The following APEX2 variants were observed in gnomAD, a reference collection of about 807,000 sequenced individuals.
APEX2 encodes the protein DNA-(apurinic or apyrimidinic site) endonuclease 2.
In APEX2, 4 loss-of-function variants were observed where a neutral mutation model predicts 16.7. The ratio of observed to expected loss-of-function variants is 0.24; its 90% confidence interval spans 0.12 to 0.55. The LOEUF is 0.55. APEX2 is among the 20% of genes least tolerant of loss of function. The pLI is 0.94. For missense variants in APEX2, 357 were observed against 433.6 expected (o/e 0.82, Z 1.57); for synonymous variants, 181 against 166.9 (o/e 1.08, Z -0.65).
Position 55,007,624 on chromosome X carries a change from C to T in APEX2, c.*189C>T, listed in dbSNP as rs1935525214. 1 of 451,568 alleles carries T rather than the reference C, an allele frequency of 2.2e-6. No homozygotes were observed. Among genetic ancestry groups the T allele is most frequent in the Non-Finnish European group, 3.5e-6 (1 of 287,010 alleles). The allele number at this position is 451,568 out of a possible 1,213,427, so 37.2% of individuals were successfully genotyped here. ...TTGGTGAGCTTCTTGTGCCTTAATC[C>T]TGTGACCCAGCCCCTTACACCACTT... is the stretch of plus-strand genomic sequence containing the variant. On this transcript the variant is annotated 3_prime_UTR_variant, in exon 6 of 6. Transcript: ENST00000374987.
chrX:55,000,721 C>A, intron 1 of APEX2, 142 bp downstream of exon 1: 1 of 676,251 alleles, frequency 1.5e-6, no homozygotes. Flanking sequence ...TCTTAAACTT[C>A]CATTTCCCAC....
chrX:55,003,994 ATTCT>A, intron 5 of APEX2, 126 bp downstream of exon 5: 3 of 585,094 alleles, frequency 5.1e-6, no homozygotes, highest in South Asian at 2.7e-5. Context: ...TTGCAATACT[ATTCT>A]TATAGTACTG....
rs1935536452 is a variant in APEX2 at position 55,008,351 on chromosome X, G to A, written c.*916G>A. ...GCACTTTGGGAGGCTGAGATGGGTG[G>A]ATCACCTGAGGTCAGGAGTTCGCAA... On this transcript the variant is annotated 3_prime_UTR_variant, in exon 6 of 6. Coordinates refer to ENST00000374987, the MANE Select transcript of APEX2 (RefSeq NM_014481.4). 1 of 111,661 alleles carries A rather than the reference G, an allele frequency of 9.0e-6. No individual in the cohort carries two copies. 9.2% of individuals were successfully genotyped at this position (111,661 alleles called of 1,213,427 possible). A position where few individuals can be genotyped will look rare whatever the true frequency, so the allele number is the denominator to read the frequency against.
Position 55,007,075 on chromosome X carries a change from C to T in APEX2, c.1197C>T (p.Pro399=), listed in dbSNP as rs2858765. Residue 399 remains proline, a synonymous_variant, in exon 6 of 6, where the codon CCC becomes CCT. Transcript: ENST00000374987. ...AAAACCTGAAGAGCTACTTTCAGCC[C>T]TCCCCTAGCTGTCCCCAAGCCTCTC... ...GQKNLKSYFQ[P]SPSCPQASPD... 8.3e-7 allele frequency: 1 copy of T among 1,211,523 alleles called. No individual in the cohort carries two copies. Among genetic ancestry groups the T allele is most frequent in the Non-Finnish European group, 1.1e-6 (1 of 895,365 alleles).
Position 55,001,602 on chromosome X carries a change from T to C in APEX2, c.214T>C (p.Phe72Leu). 1 of 1,207,601 alleles carries C rather than the reference T, an allele frequency of 8.3e-7. No homozygotes were observed. The highest frequency in any genetic ancestry group is 1.1e-6 in the Non-Finnish European group (1 of 893,524). Residue 72 changes from phenylalanine to leucine, a missense_variant, in exon 2 of 6, where the codon TTC becomes CTC. Coordinates refer to ENST00000374987, the MANE Select transcript of APEX2 (RefSeq NM_014481.4). ...TGAGGGTTATAACTCCTATTTCAGC[T>C]TCAGCCGCAACCGTAGCGGCTATTC... The part of the protein sequence containing the change: ...IVEGYNSYFS[F>L]SRNRSGYSGV...
chrX:55,000,580 G>A lies in APEX2; in HGVS notation c.157+1G>A. 8.3e-7 allele frequency: 1 copy of A among 1,202,642 alleles called. No homozygotes were observed. The highest frequency in any genetic ancestry group is 1.1e-6 in the Non-Finnish European group (1 of 891,613). On this transcript the variant is annotated splice_donor_variant, in intron 1 of 5. Coordinates refer to ENST00000374987, the MANE Select transcript of APEX2 (RefSeq NM_014481.4). LOFTEE classifies it high-confidence loss of function. ...TGTCTCCAGGAAACCAAAGTGACCAGTGAGCGCTCTGGATTCCAGGATCCC... is the reference window on the plus strand; with the variant it reads ...TGTCTCCAGGAAACCAAAGTGACCAATGAGCGCTCTGGATTCCAGGATCCC...
rs1398443678 is a variant in APEX2, at chrX:55,007,013, C to A, written c.1135C>A (p.Pro379Thr). Residue 379 changes from proline (P) to threonine (T), a missense_variant, in exon 6 of 6, where the codon CCT (proline) becomes ACT (threonine). Transcript: ENST00000374987. The part of the protein sequence containing the change: ...QNKAQVRSTR[P>T]QPSQVGSSRG... ...CAAAGCCCAAGTGCGCTCAACCAGG[C>A]CTCAGCCCAGTCAGGTTGGCTCTAG... 1 of 1,210,211 alleles carries A rather than the reference C, an allele frequency of 8.3e-7. No homozygotes were observed. The highest frequency in any genetic ancestry group is 1.1e-6 in the Non-Finnish European group (1 of 895,284).
In APEX2 at chrX:55,006,697, C is replaced by A; in HGVS notation, c.819C>A (p.Gly273=). The A allele has an allele frequency of 8.5e-7, 1 of 1,170,395 alleles. No homozygotes were observed. The change falls in exon 6 of 6, where the codon GGC becomes GGA. Residue 273 remains glycine, a synonymous_variant. Transcript: ENST00000374987. ...CTGGCGCCCGCCATCTCAACTATGG[C>A]TCCCGGCTTGACTATGTGCTGGGGG... is the stretch of plus-strand genomic sequence containing the variant. ...AVTGARHLNY[G]SRLDYVLGDR...
In APEX2 at chrX:55,003,101, G is replaced by A. The variant is rs763356429; in HGVS notation, c.562G>A (p.Ala188Thr). 2.5e-6 allele frequency: 3 copies of A among 1,211,560 alleles called. No homozygotes were observed. The highest frequency in any genetic ancestry group is 3.4e-6 in the Non-Finnish European group (3 of 895,258). ...AATCCGAGCAGAAGCCCTCCTGGCG[G>A]CAGGCAGGTACTGCAAGCCTGGGCA... is the stretch of plus-strand genomic sequence containing the variant. ...LQIRAEALLA[A>T]GSHVIILGDL... is the part of the protein sequence containing the mutation. Residue 188 changes from alanine to threonine, a missense_variant, in exon 4 of 6, where the codon GCA becomes ACA. By Grantham distance (58) the Ala-to-Thr change is moderately conservative (BLOSUM62 0). Coordinates refer to ENST00000374987, the MANE Select transcript of APEX2 (RefSeq NM_014481.4).
chrX:55,005,145 T>A (rs1935485507), intron 5 of APEX2, among the ~76,000 whole-genome samples: 1 of 111,823 alleles, frequency 8.9e-6, no homozygotes, highest in Non-Finnish European at 1.9e-5. Flanking sequence ...TGAGCAGAAG[T>A]GAGAGAATGA....
chrX:55,004,711 C>A (rs999711480), intron 5 of APEX2, among the ~76,000 whole-genome samples: 1 of 111,297 alleles, frequency 9.0e-6, no homozygotes, highest in Non-Finnish European at 1.9e-5. Context: ...TCTCACTGTG[C>A]CCTGAATTGG....
At chrX:55,002,797 T>A (rs1458577834) in intron 3 of APEX2, among the ~76,000 whole-genome samples, 165 bp from the exon 4 acceptor site, 1 of 112,197 alleles carries the variant, frequency 8.9e-6, no homozygotes, top group African/African-American at 3.2e-5. Flanking sequence ...CCCTGCCTTA[T>A]CAGTAGTCAG....
chrX:55,004,499 A>G (rs1183937855), intron 5 of APEX2, among the ~76,000 whole-genome samples: 1 of 111,463 alleles, frequency 9.0e-6, no homozygotes, highest in Non-Finnish European at 1.9e-5. Flanking sequence ...TCCTTAATAC[A>G]CTGTATTTCT....
rs1408935044 is a variant in APEX2, at chrX:55,003,881, C to T, written c.639+13C>T. On this transcript the variant is annotated intron_variant, in intron 5 of 5. Transcript: ENST00000374987. ...TGCAGTCAACCTGGTAAGGCTCCCT[C>T]TAGGTGCCTGGCCCCACTCCTGACT... 1.7e-6 allele frequency: 2 copies of T among 1,206,491 alleles called. No individual in the cohort carries two copies. The highest frequency in any genetic ancestry group is 3.5e-5 in the South Asian group (2 of 56,823).
chrX:55,000,590 T>C lies in APEX2; in HGVS notation c.157+11T>C. 1 of 1,196,885 alleles carries C rather than the reference T, an allele frequency of 8.4e-7. No individual in the cohort carries two copies. The highest frequency in any genetic ancestry group is 1.1e-6 in the Non-Finnish European group (1 of 888,913). On this transcript the variant is annotated intron_variant, in intron 1 of 5. Transcript: ENST00000374987. ...AAACCAAAGTGACCAGTGAGCGCTCTGGATTCCAGGATCCCTACATACTTT... is the reference window on the plus strand; with the variant it reads ...AAACCAAAGTGACCAGTGAGCGCTCCGGATTCCAGGATCCCTACATACTTT...
In APEX2 at chrX:55,000,414, C is replaced by T. The variant is rs753693216; in HGVS notation, c.-9C>T. 12 of 1,170,926 alleles carry T rather than the reference C, an allele frequency of 1.0e-5. No individual in the cohort carries two copies. The East Asian group carries it at 3.2e-4, about 31-fold the overall frequency. On this transcript the variant is annotated 5_prime_UTR_variant, in exon 1 of 6. Coordinates refer to ENST00000374987, the MANE Select transcript of APEX2 (RefSeq NM_014481.4). ...TGGCGCGGGCTGGGAGGTGTTCCAG[C>T]CCTTTAAGATGTTGCGCGTGGTGAG...
Position 55,007,133 on chromosome X carries a change from A to G in APEX2, c.1255A>G (p.Ser419Gly). 8.3e-7 allele frequency: 1 copy of G among 1,211,673 alleles called. No homozygotes were observed. Among genetic ancestry groups the G allele is most frequent in the Non-Finnish European group, 1.1e-6 (1 of 895,510 alleles). The change falls in exon 6 of 6, where the codon AGC (serine) becomes GGC (glycine). Residue 419 changes from serine to glycine, a missense_variant. Physicochemically the swap from Ser to Gly is moderately conservative, Grantham distance 56. Coordinates refer to ENST00000374987, the MANE Select transcript of APEX2 (RefSeq NM_014481.4). ...AGAGCTGCCTAGCCTACCACTGATGAGCGCCCTCATGACCCCGAAGACTCC... is the reference window on the plus strand; with the variant it reads ...AGAGCTGCCTAGCCTACCACTGATGGGCGCCCTCATGACCCCGAAGACTCC... Reference protein sequence around the residue: ...DIELPSLPLMSALMTPKTPEE... With the variant: ...DIELPSLPLMGALMTPKTPEE...
rs144066137 is a variant in APEX2, at chrX:55,004,209, C to T, written c.639+341C>T. Among the ~76,000 whole-genome samples the T allele has an allele frequency of 3.1e-3, 348 of 112,621 alleles. 3 individuals carry two copies. Among genetic ancestry groups the T allele is most frequent in the African/African-American group, 0.011 (333 of 31,000 alleles). Reference sequence around the variant, plus strand: ...GCACAGATGGCATCCCAGAAAGCTACAGGAGCTCAGAGATGGGATTCCTAG... The same window carrying T: ...GCACAGATGGCATCCCAGAAAGCTATAGGAGCTCAGAGATGGGATTCCTAG... On this transcript the variant is annotated intron_variant, in intron 5 of 5. Transcript: ENST00000374987.
chrX:55,007,470 C>G lies in APEX2; in HGVS notation c.*35C>G. 1 of 1,107,097 alleles carries G rather than the reference C, an allele frequency of 9.0e-7. No individual in the cohort carries two copies. The highest frequency in any genetic ancestry group is 1.2e-6 in the Non-Finnish European group (1 of 841,540). The allele number at this position is 1,107,097 out of a possible 1,213,427, so 91.2% of individuals were successfully genotyped here. On this transcript the variant is annotated 3_prime_UTR_variant, in exon 6 of 6. Coordinates refer to ENST00000374987, the MANE Select transcript of APEX2 (RefSeq NM_014481.4). ...GGCCTGGGGACATCTGGCATGGTCA[C>G]CCCTGCACATGATCTGAGGCCAGCT... is the stretch of plus-strand genomic sequence containing the variant.
Sources: allele counts gnomAD v4.1 joint callset (sites outside exome capture counted in the v4.1 genomes callset), GRCh38; gene constraint gnomAD v4.1.1; transcripts MANE v1.5; gene names NCBI Gene and HGNC (gene_info 2026-07-23, HGNC 2026-07-21).